Variants in VPS13C observed in about 807,000 individuals in gnomAD.
VPS13C encodes the protein vacuolar protein sorting 13 homolog C, also known as intermembrane lipid transfer protein VPS13C.
A neutral mutation model predicts 456.8 loss-of-function variants in VPS13C; 358 were observed. The ratio of observed to expected loss-of-function variants is 0.78; its 90% CI spans 0.72 to 0.86. The LOEUF (loss-of-function observed/expected upper bound fraction) is 0.86. VPS13C is among the 40% of genes least tolerant of loss of function. The pLI, the probability that VPS13C is intolerant of heterozygous loss-of-function variation, is 0.00. For synonymous variants in VPS13C, 1,578 were observed against 1,486.7 expected (o/e 1.06, Z -1.41); for missense variants, 4,818 against 4,385.4 (o/e 1.10, Z -2.79).
intron 8 of VPS13C, 49 bp downstream of exon 8, chr15:62,023,362 T>G (rs2140581705): frequency 8.7e-7 from 1 of 1,154,850 alleles, no homozygotes; most frequent in Admixed American, 3.2e-5. Context: ...GTCAAGAATA[T>G]TATAAAATAC....
chr15:62,014,477 G>A (rs2047157854), intron 9 of VPS13C, among the ~76,000 whole-genome samples: 1 of 152,114 alleles, frequency 6.6e-6, no homozygotes, highest in Admixed American at 6.6e-5. Context: ...AACTGTTTCA[G>A]TGGAGTAGTA....
At chr15:61,959,918 G>A (rs2045136588) in intron 35 of VPS13C, among the ~76,000 whole-genome samples, 1 of 152,134 alleles carries the variant, frequency 6.6e-6, no homozygotes, top group Non-Finnish European at 1.5e-5. Flanking sequence ...GGATTAATAG[G>A]TATGTTGGTG....
At chr15:61,997,478 C>T (rs987645737) in intron 16 of VPS13C, among the ~76,000 whole-genome samples, 7 of 152,278 alleles carry the variant, frequency 4.6e-5, no homozygotes, top group African/African-American at 1.7e-4. Flanking sequence ...CTGAACTCCA[C>T]ATAATTGCCT....
chr15:61,938,153 G>T (rs544290436), intron 47 of VPS13C, among the ~76,000 whole-genome samples: 28 of 152,262 alleles, frequency 1.8e-4, no homozygotes, highest in African/African-American at 6.3e-4. Flanking sequence ...TATAACAGGT[G>T]TAATTTTAAC....
chr15:61,957,979 T>C (rs577365712), intron 37 of VPS13C, among the ~76,000 whole-genome samples: 1 of 152,070 alleles, frequency 6.6e-6, no homozygotes, highest in African/African-American at 2.4e-5. Context: ...CACATGCATG[T>C]ACACATACAG....
rs2045217724 is a variant in VPS13C at position 61,961,809 on chromosome 15, T to C, written c.3688A>G (p.Lys1230Glu). Residue 1230 changes from lysine (K) to glutamate (E), a missense_variant, in exon 35 of 85, where the codon AAA (lysine) becomes GAA (glutamate). This residue lies in a region of VPS13C where 4,552 missense variants were observed against 4,130.6 expected (regional missense o/e 1.10). Coordinates refer to ENST00000644861, the MANE Select transcript of VPS13C (RefSeq NM_020821.3). ...CGAAAACTCCTCTGGGCAAGATCTT[T>C]CACACTTGTGGCAGCCCTTTCTGCA... is the stretch of plus-strand genomic sequence containing the variant. ...QAAERAATSV[K>E]DLAQRSFRVS... The C allele has an allele frequency of 6.2e-7, 1 of 1,614,066 alleles. No homozygotes were observed. Among genetic ancestry groups the C allele is most frequent in the Non-Finnish European group, 8.5e-7 (1 of 1,179,972 alleles).
At chr15:61,897,454 T>A (rs2042861255) in intron 66 of VPS13C, among the ~76,000 whole-genome samples, 1 of 152,192 alleles carries the variant, frequency 6.6e-6, no homozygotes, top group African/African-American at 2.4e-5. Flanking sequence ...ACGTGAAGAA[T>A]GCAGAAGCCT....
intron 41 of VPS13C, 37 bp from the exon 42 acceptor site, chr15:61,949,642 T>G: frequency 1.3e-6 from 2 of 1,571,424 alleles, no homozygotes; most frequent in Non-Finnish European, 1.7e-6. Flanking sequence ...AGATTTCAGA[T>G]GCAGTAAAAT....
At chr15:62,037,310 A>ATATTATATTATAT (rs2048068158) in intron 3 of VPS13C, among the ~76,000 whole-genome samples, 1 of 67,818 alleles carries the variant, frequency 1.5e-5, no homozygotes, top group African/African-American at 6.2e-5. Flanking sequence ...ATATATATAT[A>ATATTATATTATAT]AATATATTAT....
intron 1 of VPS13C, among the ~76,000 whole-genome samples, chr15:62,053,298 C>CA (rs921134847): frequency 5.9e-5 from 9 of 151,820 alleles, no homozygotes; most frequent in African/African-American, 1.9e-4. Context: ...GTGTCAAAGC[C>CA]AAAAAAAGCA....
chr15:62,035,670 C>T (rs1462134237), intron 3 of VPS13C, among the ~76,000 whole-genome samples: 1 of 152,000 alleles, frequency 6.6e-6, no homozygotes, highest in South Asian at 2.1e-4. Context: ...AAAAGCAAGG[C>T]ATACGGTATT....
In VPS13C at chr15:61,922,766, T is replaced by C; in HGVS notation, c.6610-4A>G. The C allele has an allele frequency of 1.3e-6, 2 of 1,555,818 alleles. No individual in the cohort carries two copies. The highest frequency in any genetic ancestry group is 1.7e-6 in the Non-Finnish European group (2 of 1,157,220). On this transcript the variant is annotated splice_polypyrimidine_tract_variant and splice_region_variant and intron_variant, in intron 53 of 84. Transcript: ENST00000644861. ...TATTAAGAATTATGGGTGAAATCTT[T>C]AAAAAAGAAAGCAGAAAAATATTTA...
intron 15 of VPS13C, among the ~76,000 whole-genome samples, chr15:62,002,240 G>A (rs1445903518): frequency 6.6e-6 from 1 of 152,126 alleles, no homozygotes; most frequent in Admixed American, 6.5e-5. Flanking sequence ...ATCTCATTGT[G>A]GTTTTGATTT....
At chr15:61,965,670 C>A (rs1192503783) in intron 30 of VPS13C, among the ~76,000 whole-genome samples, 1 of 151,846 alleles carries the variant, frequency 6.6e-6, no homozygotes, top group Non-Finnish European at 1.5e-5. Context: ...GTACATTTTG[C>A]CCCTCTTACT....
intron 62 of VPS13C, 130 bp from the exon 63 acceptor site, chr15:61,912,134 T>C (rs2043319826): frequency 2.3e-6 from 2 of 855,374 alleles, no homozygotes; most frequent in Admixed American, 4.1e-5. Context: ...CAACTATAAG[T>C]TACATTCTGC....
intron 42 of VPS13C, among the ~76,000 whole-genome samples, chr15:61,949,077 T>C (rs1315489463): frequency 1.3e-4 from 20 of 152,206 alleles, no homozygotes; most frequent in Admixed American, 1.3e-3. Flanking sequence ...TAAGTCTACC[T>C]GACTAACTGA....
intron 35 of VPS13C, among the ~76,000 whole-genome samples, chr15:61,959,864 C>T (rs569996871): frequency 6.6e-5 from 10 of 152,252 alleles, no homozygotes; most frequent in Admixed American, 3.9e-4. Context: ...AAGCAATCCA[C>T]ACCATTGAAG....
intron 45 of VPS13C, among the ~76,000 whole-genome samples, chr15:61,943,163 G>A (rs772120833): frequency 2.4e-4 from 37 of 152,048 alleles, no homozygotes; most frequent in Admixed American, 7.2e-4. Flanking sequence ...TGGATTACAA[G>A]AATCAATATT....
chr15:61,865,832 A>G, intron 81 of VPS13C: 1 of 907,444 alleles, frequency 1.1e-6, no homozygotes, highest in Non-Finnish European at 1.3e-6. Flanking sequence ...GAGGATAAGT[A>G]GAATAGTACA....
Sources: gnomAD v4.1 joint callset for allele counts (sites outside exome capture counted in the v4.1 genomes callset) on GRCh38, gnomAD v4.1.1 for gene constraint, gnomAD v4.1.1 regional missense constraint, MANE v1.5 for transcripts, NCBI Gene and HGNC (gene_info 2026-07-23, HGNC 2026-07-21) for gene names.